Variants in FSHR observed in about 807,000 individuals in gnomAD.
FSHR encodes the protein follicle-stimulating hormone receptor.
In FSHR, 46 loss-of-function variants were observed where a neutral mutation model predicts 52.1. The ratio of observed to expected loss-of-function variants is 0.88; its 90% confidence interval spans 0.70 to 1.13. FSHR has a LOEUF of 1.13. Among genes scored for constraint, FSHR ranks in the 50% most tolerant of loss-of-function variants. The pLI is 0.00. For missense variants in FSHR, 964 were observed against 834.6 expected (o/e 1.16, Z -1.91); for synonymous variants, 399 against 309.6 (o/e 1.29, Z -3.03).
At chr2:49,117,431 CAAAG>C (rs1222299957) in intron 1 of FSHR, among the ~76,000 whole-genome samples, 1 of 152,148 alleles carries the variant, frequency 6.6e-6, no homozygotes. Flanking sequence ...AAGTTGGACA[CAAAG>C]AAAAGTTAGT....
At chr2:48,991,054 G>A (rs917270942) in intron 4 of FSHR, among the ~76,000 whole-genome samples, 4 of 152,138 alleles carry the variant, frequency 2.6e-5, no homozygotes, top group Non-Finnish European at 5.9e-5. Flanking sequence ...GAGATTCCAT[G>A]CCCTAAGACC....
At chr2:49,115,623 G>A (rs1042542181) in intron 1 of FSHR, among the ~76,000 whole-genome samples, 2 of 152,130 alleles carry the variant, frequency 1.3e-5, no homozygotes, top group Non-Finnish European at 2.9e-5. Context: ...GCCACATGCT[G>A]CTAGAGACAG....
chr2:49,123,566 G>T (rs1403643907), intron 1 of FSHR, among the ~76,000 whole-genome samples: 1 of 152,156 alleles, frequency 6.6e-6, no homozygotes, highest in African/African-American at 2.4e-5. Context: ...TAATTAGCTT[G>T]ATTTGATAAT....
At chr2:49,057,339 G>A (rs1669098547) in intron 2 of FSHR, among the ~76,000 whole-genome samples, 1 of 151,976 alleles carries the variant, frequency 6.6e-6, no homozygotes, top group South Asian at 2.1e-4. Flanking sequence ...CACAATGACA[G>A]TAGCAGTAGT....
At chr2:49,017,082 A>G (rs1667515992) in intron 4 of FSHR, among the ~76,000 whole-genome samples, 1 of 152,236 alleles carries the variant, frequency 6.6e-6, no homozygotes, top group South Asian at 2.1e-4. Context: ...AAATAAACAA[A>G]ATAAAATGCT....
intron 1 of FSHR, among the ~76,000 whole-genome samples, chr2:49,102,863 T>A (rs1195361435): frequency 6.6e-6 from 1 of 152,022 alleles, no homozygotes; most frequent in Non-Finnish European, 1.5e-5. Flanking sequence ...TGTTATTCTT[T>A]GGCATAAAGG....
intron 1 of FSHR, among the ~76,000 whole-genome samples, chr2:49,127,800 T>TTCA (rs1558456396): frequency 1.0e-4 from 6 of 57,802 alleles, no homozygotes; most frequent in African/African-American, 4.4e-4. Context: ...CTTCTTCTTC[T>TTCA]TCTTCTTCTT....
intron 2 of FSHR, among the ~76,000 whole-genome samples, chr2:49,054,401 A>G (rs1196254910): frequency 2.0e-5 from 3 of 152,226 alleles, no homozygotes; most frequent in Middle Eastern, 6.8e-3. Flanking sequence ...CAAAGAAGAC[A>G]CACGAACCCA....
intron 2 of FSHR, among the ~76,000 whole-genome samples, chr2:49,033,333 A>G (rs1293498265): frequency 6.6e-6 from 1 of 152,204 alleles, no homozygotes; most frequent in Admixed American, 6.5e-5. Context: ...TATGTCTTAT[A>G]GTAGAAACAG....
At chr2:49,034,636 A>T (rs1341129017) in intron 2 of FSHR, among the ~76,000 whole-genome samples, 1 of 152,212 alleles carries the variant, frequency 6.6e-6, no homozygotes, top group Non-Finnish European at 1.5e-5. Context: ...AAAGCATTTA[A>T]CACATAAACA....
intron 1 of FSHR, among the ~76,000 whole-genome samples, chr2:49,074,852 C>G (rs1463475003): frequency 6.6e-6 from 1 of 152,038 alleles, no homozygotes; most frequent in Non-Finnish European, 1.5e-5. Flanking sequence ...AGAATAAAAT[C>G]CTTAGCCAAA....
chr2:49,098,901 GTGTA>G (rs889962806), intron 1 of FSHR, among the ~76,000 whole-genome samples: 6 of 143,518 alleles, frequency 4.2e-5, no homozygotes, highest in African/African-American at 7.7e-5. Flanking sequence ...ACTTATATAA[GTGTA>G]TGTATGTATA....
At chr2:49,079,088 C>T (rs1188420067) in intron 1 of FSHR, among the ~76,000 whole-genome samples, 1 of 151,686 alleles carries the variant, frequency 6.6e-6, no homozygotes, top group Non-Finnish European at 1.5e-5. Flanking sequence ...GATTAGTGGA[C>T]AAAAATAACC....
intron 1 of FSHR, among the ~76,000 whole-genome samples, chr2:49,117,135 T>C (rs1671630562): frequency 6.6e-6 from 1 of 152,164 alleles, no homozygotes; most frequent in Non-Finnish European, 1.5e-5. Context: ...GAAAAAAAGG[T>C]TCACAGGAGA....
At chr2:49,065,378 A>C (rs1395424777) in intron 2 of FSHR, among the ~76,000 whole-genome samples, 3 of 152,086 alleles carry the variant, frequency 2.0e-5, no homozygotes, top group Non-Finnish European at 4.4e-5. Flanking sequence ...AGTAACAGGA[A>C]TGAGAAGAGG....
At chr2:48,980,704 G>T (rs551645281) in intron 8 of FSHR, among the ~76,000 whole-genome samples, 1 of 152,146 alleles carries the variant, frequency 6.6e-6, no homozygotes, top group Non-Finnish European at 1.5e-5. Context: ...TGGCAACATG[G>T]TATGGTGGGA....
intron 4 of FSHR, among the ~76,000 whole-genome samples, chr2:48,996,817 A>G (rs1417405697): frequency 1.3e-5 from 2 of 152,156 alleles, no homozygotes. Context: ...CTGATTTTGG[A>G]TTGCAAATAC....
Position 49,154,509 on chromosome 2 carries a change from G to T in FSHR, c.-92C>A. The T allele has an allele frequency of 1.5e-6, 2 of 1,331,110 alleles. No individual in the cohort carries two copies. The highest frequency in any genetic ancestry group is 1.1e-6 in the Non-Finnish European group (1 of 937,832). The allele number at this position is 1,331,110 out of a possible 1,614,324, so 82.5% of individuals were successfully genotyped here. A position where few individuals can be genotyped will look rare whatever the true frequency, so the allele number is the denominator to read the frequency against. On this transcript the variant is annotated 5_prime_UTR_variant, in exon 1 of 10. Transcript: ENST00000406846. ...GCTCCACACAGTGCCCTTATGAGAA[G>T]AGATCTGACTTGAGAACTGGTAGGG...
intron 1 of FSHR, among the ~76,000 whole-genome samples, chr2:49,116,308 A>G (rs1293115056): frequency 1.3e-5 from 2 of 152,266 alleles, no homozygotes; most frequent in Admixed American, 6.5e-5. Context: ...CTCCACTGCC[A>G]TATGGTGGGG....
Sources: gnomAD v4.1 joint callset for allele counts (sites outside exome capture counted in the v4.1 genomes callset) on GRCh38, gnomAD v4.1.1 for gene constraint, MANE v1.5 for transcripts, NCBI Gene and HGNC (gene_info 2026-07-23, HGNC 2026-07-21) for gene names.